The following SYNPR variants were observed in gnomAD, a reference collection of about 807,000 sequenced individuals.
The protein encoded by SYNPR is synaptoporin.
A neutral mutation model predicts 32.9 loss-of-function variants in SYNPR; 23 were observed. The observed-to-expected ratio is 0.70, with a 90% CI of 0.50 to 0.99. The LOEUF (loss-of-function observed/expected upper bound fraction) is 0.99. Among genes scored for constraint, SYNPR ranks in the 50% least tolerant of loss-of-function variants. The probability of loss-of-function intolerance (pLI) is 0.00; values close to 1 mark genes in which losing one functional copy is unlikely to be tolerated. For missense variants in SYNPR, 318 were observed against 349.3 expected (o/e 0.91, Z 0.71); for synonymous variants, 146 against 135.9 (o/e 1.07, Z -0.52).
At chr3:63,441,304 C>T (rs1700166360) in intron 2 of SYNPR, among the ~76,000 whole-genome samples, 1 of 152,124 alleles carries the variant, frequency 6.6e-6, no homozygotes, top group Non-Finnish European at 1.5e-5. Context: ...GAAGACAGAA[C>T]TTTTTTCCTT....
intron 2 of SYNPR, among the ~76,000 whole-genome samples, chr3:63,261,467 C>CA (rs1426311204): frequency 6.7e-6 from 1 of 148,886 alleles, no homozygotes; most frequent in Non-Finnish European, 1.5e-5. Flanking sequence ...ATTGCAAGAA[C>CA]AAAAAACCAA....
intron 3 of SYNPR, among the ~76,000 whole-genome samples, chr3:63,553,689 A>T (rs1048448641): frequency 2.0e-5 from 3 of 151,820 alleles, no homozygotes; most frequent in Non-Finnish European, 2.9e-5. Context: ...ATTTTTTAAT[A>T]TTTTTTTGGC....
intron 2 of SYNPR, among the ~76,000 whole-genome samples, chr3:63,449,028 C>T (rs1700332426): frequency 6.6e-6 from 1 of 152,012 alleles, no homozygotes; most frequent in African/African-American, 2.4e-5. Context: ...GTGTGTGTGT[C>T]TTATAAGCAT....
At chr3:63,410,237 C>T (rs2088444318) in intron 2 of SYNPR, among the ~76,000 whole-genome samples, 1 of 152,114 alleles carries the variant, frequency 6.6e-6, no homozygotes, top group Admixed American at 6.6e-5. Flanking sequence ...TGACAATTGT[C>T]TTTATCATCT....
At chr3:63,559,263 A>G (rs1702644979) in intron 4 of SYNPR, among the ~76,000 whole-genome samples, 1 of 151,960 alleles carries the variant, frequency 6.6e-6, no homozygotes, top group Non-Finnish European at 1.5e-5. Flanking sequence ...TTTTTGGTAC[A>G]GACAGGATTT....
chr3:63,241,652 ATCATC>A (rs2086243998), intron 1 of SYNPR, among the ~76,000 whole-genome samples: 1 of 152,100 alleles, frequency 6.6e-6, no homozygotes, highest in African/African-American at 2.4e-5. Flanking sequence ...AACTGCTACA[ATCATC>A]TCATAAGTGT....
intron 2 of SYNPR, among the ~76,000 whole-genome samples, chr3:63,474,531 A>G (rs1316389429): frequency 6.6e-6 from 1 of 152,174 alleles, no homozygotes; most frequent in East Asian, 1.9e-4. Flanking sequence ...CCCTGGCCCA[A>G]GTGAGTACCT....
chr3:63,540,924 C>CA (rs59890031), intron 3 of SYNPR, among the ~76,000 whole-genome samples: 1 of 120,678 alleles, frequency 8.3e-6, no homozygotes, highest in African/African-American at 3.3e-5. Context: ...ACACAATCCC[C>CA]CCCCCAACAC....
chr3:63,400,897 A>G (rs2088281577), intron 2 of SYNPR, among the ~76,000 whole-genome samples: 1 of 152,240 alleles, frequency 6.6e-6, no homozygotes, highest in South Asian at 2.1e-4. Context: ...CAGTGTGTGA[A>G]GAGGTATAGC....
intron 2 of SYNPR, among the ~76,000 whole-genome samples, chr3:63,295,910 C>CT (rs1342589499): frequency 6.6e-6 from 1 of 152,274 alleles, no homozygotes; most frequent in Admixed American, 6.5e-5. Flanking sequence ...ATATCTTTTG[C>CT]TTTTTTTATT....
intron 3 of SYNPR, among the ~76,000 whole-genome samples, chr3:63,485,361 TA>T (rs1281270955): frequency 4.0e-5 from 6 of 151,508 alleles, no homozygotes; most frequent in Non-Finnish European, 7.4e-5. Context: ...GTAAAATAAA[TA>T]AAAACAGAAA....
intron 2 of SYNPR, among the ~76,000 whole-genome samples, chr3:63,323,696 A>G (rs1433401553): frequency 6.6e-6 from 1 of 152,136 alleles, no homozygotes; most frequent in Non-Finnish European, 1.5e-5. Flanking sequence ...TAGAATAGAC[A>G]AAGAAAAGAA....
chr3:63,419,827 C>G (rs1468526346), intron 2 of SYNPR, among the ~76,000 whole-genome samples: 1 of 152,168 alleles, frequency 6.6e-6, no homozygotes, highest in Non-Finnish European at 1.5e-5. Context: ...TAACACAGAA[C>G]AGAGAACATA....
chr3:63,249,822 T>C (rs973953063), intron 1 of SYNPR, among the ~76,000 whole-genome samples: 1 of 152,150 alleles, frequency 6.6e-6, no homozygotes, highest in Non-Finnish European at 1.5e-5. Context: ...TGCTTGAATT[T>C]TTTTCAGCTG....
intron 3 of SYNPR, among the ~76,000 whole-genome samples, chr3:63,522,977 A>G: frequency 6.6e-6 from 1 of 152,134 alleles, no homozygotes; most frequent in Non-Finnish European, 1.5e-5. Context: ...AAAGTGGAAT[A>G]TGGGGGAGCA....
chr3:63,423,733 C>G (rs963674950), intron 2 of SYNPR: 9 of 152,226 alleles, frequency 5.9e-5, no homozygotes, highest in Non-Finnish European at 1.3e-4. Context: ...CATGCCTAGG[C>G]TGTATCACTT....
chr3:63,380,230 A>T (rs137872513), intron 2 of SYNPR, among the ~76,000 whole-genome samples: 36,769 of 152,046 alleles, frequency 0.24, 4,535 homozygotes, highest in Middle Eastern at 0.27. Flanking sequence ...CTCAAACGGT[A>T]TTTCTAGTTC....
intron 3 of SYNPR, among the ~76,000 whole-genome samples, chr3:63,528,837 T>C (rs1485780790): frequency 6.6e-6 from 1 of 152,146 alleles, no homozygotes; most frequent in Non-Finnish European, 1.5e-5. Context: ...TTCTGTTTCC[T>C]CTAGAGCTGA....
At chr3:63,610,394 C>T (rs1575736431) in intron 5 of SYNPR, 2 of 614,218 alleles carry the variant, frequency 3.3e-6, no homozygotes, top group East Asian at 5.5e-5. Context: ...GAAGGCTCAG[C>T]AGTGTTTGCT....
Sources: gnomAD v4.1 joint callset for allele counts (sites outside exome capture counted in the v4.1 genomes callset) on GRCh38, gnomAD v4.1.1 for gene constraint, MANE v1.5 for transcripts, NCBI Gene and HGNC (gene_info 2026-07-23, HGNC 2026-07-21) for gene names.